The following AMPH variants were observed in gnomAD, a reference collection of about 807,000 sequenced individuals.
The protein encoded by AMPH is amphiphysin, also known as amphiphysin (Stiff-Mann syndrome with breast cancer 128kD autoantigen).
Under a neutral mutation model 99.1 loss-of-function variants are expected in AMPH, and 49 were observed. The ratio of observed to expected loss-of-function variants is 0.49; its 90% CI spans 0.39 to 0.63. The LOEUF (loss-of-function observed/expected upper bound fraction) is 0.63, where lower values mean the gene tolerates loss of function less well. Ranked by LOEUF, AMPH falls within the 20% of genes least tolerant of loss-of-function variation. The pLI is 0.00. For missense variants in AMPH, 759 were observed against 863.4 expected (o/e 0.88, Z 1.52); for synonymous variants, 314 against 317.3 (o/e 0.99, Z 0.11).
chr7:38,406,770 CTCTCTCG>C (rs1562732536), intron 17 of AMPH, among the ~76,000 whole-genome samples: 31 of 125,608 alleles, frequency 2.5e-4, no homozygotes, highest in African/African-American at 9.4e-4. Context: ...CTCTCTCTCT[CTCTCTCG>C]TGCTGGATGC....
intron 1 of AMPH, among the ~76,000 whole-genome samples, chr7:38,578,553 G>C (rs539984099): frequency 1.3e-5 from 2 of 152,260 alleles, no homozygotes; most frequent in African/African-American, 4.8e-5. Context: ...TTTGAAGCCA[G>C]GAGTTTGAGA....
At chr7:38,621,949 G>A (rs754448326) in intron 1 of AMPH, among the ~76,000 whole-genome samples, 4 of 152,162 alleles carry the variant, frequency 2.6e-5, no homozygotes, top group Non-Finnish European at 4.4e-5. Flanking sequence ...TGATGTTTCA[G>A]CATTTCCATG....
At chr7:38,564,277 A>G (rs930925508) in intron 1 of AMPH, among the ~76,000 whole-genome samples, 1 of 152,098 alleles carries the variant, frequency 6.6e-6, no homozygotes, top group Admixed American at 6.6e-5. Context: ...AGGTGACAGA[A>G]CCCCTGCACA....
chr7:38,607,816 C>T (rs570128220), intron 1 of AMPH, among the ~76,000 whole-genome samples: 9 of 152,160 alleles, frequency 5.9e-5, no homozygotes, highest in Non-Finnish European at 1.2e-4. Context: ...ACTTCCAATA[C>T]CCAGGACTTT....
chr7:38,422,590 CTATCTATCT>C, intron 15 of AMPH, 113 bp from the exon 16 acceptor site: 1 of 774,038 alleles, frequency 1.3e-6, no homozygotes, highest in Non-Finnish European at 2.1e-6. Context: ...ATCTATCTAT[CTATCTATCT>C]ATCCATCTAT....
At chr7:38,425,356 T>C (rs1785746556) in intron 15 of AMPH, among the ~76,000 whole-genome samples, 1 of 152,182 alleles carries the variant, frequency 6.6e-6, no homozygotes, top group Non-Finnish European at 1.5e-5. Flanking sequence ...ACTGATTGAA[T>C]GTCTAGTGTT....
chr7:38,620,628 C>T (rs752108840), intron 1 of AMPH, among the ~76,000 whole-genome samples: 3 of 150,996 alleles, frequency 2.0e-5, no homozygotes, highest in Non-Finnish European at 2.9e-5. Flanking sequence ...GTTAGGCATC[C>T]AAATGCAATT....
chr7:38,535,012 C>G lies in AMPH; in HGVS notation c.70-1G>C. The stretch of plus-strand genomic sequence containing the variant: ...CAGCTTTCCCCAGCTTTTGGAGGAC[C>G]TAATTTGCAAATAAAACAAAATGGT... On this transcript the variant is annotated splice_acceptor_variant, in intron 1 of 20. Coordinates refer to ENST00000356264, the MANE Select transcript of AMPH (RefSeq NM_001635.4). LOFTEE classifies it high-confidence loss of function. The G allele has an allele frequency of 6.2e-7, 1 of 1,613,064 alleles. No homozygotes were observed. Among genetic ancestry groups the G allele is most frequent in the Non-Finnish European group, 8.5e-7 (1 of 1,179,322 alleles).
chr7:38,599,149 G>C (rs756665355), intron 1 of AMPH, among the ~76,000 whole-genome samples: 5 of 152,082 alleles, frequency 3.3e-5, no homozygotes, highest in Non-Finnish European at 5.9e-5. Context: ...CTAATTCTTT[G>C]AGTTGTGGAG....
chr7:38,501,982 T>C (rs1789154658), intron 3 of AMPH, among the ~76,000 whole-genome samples: 1 of 152,140 alleles, frequency 6.6e-6, no homozygotes, highest in South Asian at 2.1e-4. Context: ...TATTTGATTA[T>C]TCATGAGGAT....
At chr7:38,399,786 A>C (rs1784790178) in intron 17 of AMPH, among the ~76,000 whole-genome samples, 1 of 152,106 alleles carries the variant, frequency 6.6e-6, no homozygotes, top group South Asian at 2.1e-4. Context: ...GTTTCTCTTC[A>C]CTCTAAATGT....
rs1289824951 is a variant in AMPH, at chr7:38,473,469, C to A, written c.590+1862G>T. ...CCTGTAATCCCAGCACTTTGGGAGG[C>A]CGAGGCGGGTGGATCATGAGGTCAG... is the stretch of plus-strand genomic sequence containing the variant. On this transcript the variant is annotated intron_variant, in intron 7 of 20. Transcript: ENST00000356264. Among the ~76,000 whole-genome samples the A allele has an allele frequency of 6.0e-5, 4 of 66,148 alleles. 2 individuals are homozygous for A. The highest frequency in any genetic ancestry group is 2.8e-4 in the African/African-American group (4 of 14,216). The allele number at this position is 66,148 out of a possible 152,430, so 43.4% of individuals were successfully genotyped here. A position where few individuals can be genotyped will look rare whatever the true frequency, so the allele number is the denominator to read the frequency against.
At chr7:38,475,898 G>T (rs558621336) in intron 6 of AMPH, among the ~76,000 whole-genome samples, 1 of 152,078 alleles carries the variant, frequency 6.6e-6, no homozygotes, top group Non-Finnish European at 1.5e-5. Flanking sequence ...TAAAGGAGGG[G>T]GTAAGAAAGA....
chr7:38,559,420 T>C (rs1791480771), intron 1 of AMPH, among the ~76,000 whole-genome samples: 1 of 152,230 alleles, frequency 6.6e-6, no homozygotes, highest in Admixed American at 6.5e-5. Flanking sequence ...TCAGGCACAC[T>C]GGGTTTCCCG....
chr7:38,591,486 C>G (rs1487842763), intron 1 of AMPH, among the ~76,000 whole-genome samples: 25 of 152,046 alleles, frequency 1.6e-4, no homozygotes, highest in Admixed American at 1.6e-3. Flanking sequence ...GAGGTTTTAC[C>G]ATGTTGGCCA....
chr7:38,511,240 G>T (rs10276544), intron 2 of AMPH, among the ~76,000 whole-genome samples: 51,319 of 151,968 alleles, frequency 0.34, 9,128 homozygotes, highest in Middle Eastern at 0.39. Flanking sequence ...GCAAAGGGTA[G>T]GTGTTTCATA....
intron 1 of AMPH, among the ~76,000 whole-genome samples, chr7:38,621,620 T>A (rs1448216232): frequency 6.6e-6 from 1 of 152,174 alleles, no homozygotes; most frequent in Non-Finnish European, 1.5e-5. Flanking sequence ...AAATCATATA[T>A]ATATTTATTA....
At chr7:38,404,166 G>A (rs1784919369) in intron 17 of AMPH, among the ~76,000 whole-genome samples, 1 of 151,910 alleles carries the variant, frequency 6.6e-6, no homozygotes, top group Admixed American at 6.6e-5. Flanking sequence ...CAACAGGAAA[G>A]TGAATCACAT....
chr7:38,395,236 C>T (rs1391194476), intron 17 of AMPH, among the ~76,000 whole-genome samples: 1 of 148,820 alleles, frequency 6.7e-6, no homozygotes, highest in East Asian at 1.9e-4. Context: ...AAAAAAAATA[C>T]ATAAGGAAGC....
Sources: allele counts gnomAD v4.1 joint callset (sites outside exome capture counted in the v4.1 genomes callset), GRCh38; gene constraint gnomAD v4.1.1; transcripts MANE v1.5; gene names NCBI Gene and HGNC (gene_info 2026-07-23, HGNC 2026-07-21).